CUEDC1: variants seen among roughly 807,000 people sequenced by gnomAD.
CUEDC1 encodes the protein CUE domain containing 1.
Under a neutral mutation model 43.7 loss-of-function variants are expected in CUEDC1, and 30 were observed. That is an observed-to-expected ratio of 0.69 (90% CI 0.51 to 0.93). The LOEUF (loss-of-function observed/expected upper bound fraction) is 0.93, where lower values mean the gene tolerates loss of function less well. Ranked by LOEUF, CUEDC1 falls within the 40% of genes least tolerant of loss-of-function variation. The pLI is 0.00. For missense variants in CUEDC1, 486 were observed against 549.0 expected (o/e 0.89, Z 1.15); for synonymous variants, 223 against 223.6 (o/e 1.00, Z 0.02).
intron 1 of CUEDC1, among the ~76,000 whole-genome samples, chr17:57,906,719 C>T (rs1567713195): frequency 6.6e-6 from 1 of 152,058 alleles, no homozygotes; most frequent in East Asian, 1.9e-4. Flanking sequence ...GCCTGTAATC[C>T]CAGAACCTTG....
At chr17:57,880,746 A>C (rs1027125728) in intron 2 of CUEDC1, among the ~76,000 whole-genome samples, 1 of 152,188 alleles carries the variant, frequency 6.6e-6, no homozygotes, top group Non-Finnish European at 1.5e-5. Flanking sequence ...AGATGGAATT[A>C]CAGGCGTGCG....
At chr17:57,905,891 T>C (rs2074526177) in intron 1 of CUEDC1, among the ~76,000 whole-genome samples, 1 of 152,244 alleles carries the variant, frequency 6.6e-6, no homozygotes, top group South Asian at 2.1e-4. Flanking sequence ...TTCATGTACC[T>C]CTGCAACCTT....
At chr17:57,907,689 T>C (rs996009213) in intron 1 of CUEDC1, among the ~76,000 whole-genome samples, 1 of 151,580 alleles carries the variant, frequency 6.6e-6, no homozygotes, top group African/African-American at 2.4e-5. Flanking sequence ...CTACTAAAAA[T>C]ACAAAAATTA....
intron 1 of CUEDC1, among the ~76,000 whole-genome samples, chr17:57,888,058 G>A (rs1351132843): frequency 2.6e-5 from 4 of 151,454 alleles, no homozygotes; most frequent in Admixed American, 1.3e-4. Context: ...GTGCCACCAC[G>A]CTTGGTGCTA....
At chr17:57,947,494 G>A (rs923970629) in intron 1 of CUEDC1, among the ~76,000 whole-genome samples, 8 of 152,142 alleles carry the variant, frequency 5.3e-5, no homozygotes, top group Admixed American at 2.6e-4. Context: ...TTTGAAAAAC[G>A]AAGCGTTTTA....
chr17:57,951,900 T>G (rs1269560386), intron 1 of CUEDC1, among the ~76,000 whole-genome samples: 1 of 152,236 alleles, frequency 6.6e-6, no homozygotes, highest in Non-Finnish European at 1.5e-5. Context: ...GCTTTAAAGA[T>G]AAGACATTTA....
chr17:57,927,388 G>A (rs1468946919), intron 1 of CUEDC1, among the ~76,000 whole-genome samples: 20 of 145,810 alleles, frequency 1.4e-4, no homozygotes. Flanking sequence ...AGAAAGCCTA[G>A]GGAGAAAGAA....
intron 1 of CUEDC1, among the ~76,000 whole-genome samples, chr17:57,933,556 T>C (rs2074830782): frequency 6.6e-6 from 1 of 152,166 alleles, no homozygotes; most frequent in Non-Finnish European, 1.5e-5. Flanking sequence ...ACAGAAGAGA[T>C]GGGAATCCAG....
At chr17:57,890,566 C>T (rs1450343614) in intron 1 of CUEDC1, among the ~76,000 whole-genome samples, 1 of 152,216 alleles carries the variant, frequency 6.6e-6, no homozygotes, top group Non-Finnish European at 1.5e-5. Flanking sequence ...GCAGAAACCC[C>T]ACACCTGTCC....
At position 57,954,233 on chromosome 17, in the gene CUEDC1, G is replaced by C. The variant is rs1022859668; in HGVS notation, c.-316+992C>G. Among the ~76,000 whole-genome samples, 1 of 152,192 alleles carries C rather than the reference G, an allele frequency of 6.6e-6. No individual in the cohort carries two copies. The highest frequency in any genetic ancestry group is 2.4e-5 in the African/African-American group (1 of 41,436). Reference sequence around the variant, plus strand: ...TTCCTCTCGCTACAAGACGCTGACTGCGGATCAGGTGGGGAGCACGGTGGA... The same window carrying C: ...TTCCTCTCGCTACAAGACGCTGACTCCGGATCAGGTGGGGAGCACGGTGGA... On this transcript the variant is annotated intron_variant, in intron 1 of 10. Coordinates refer to ENST00000577830, the MANE Select transcript of CUEDC1 (RefSeq NM_001271875.2). The surrounding 1 kb of genome is among the most constrained non-coding windows in gnomAD (Gnocchi z 4.3).
chr17:57,875,848 TC>T (rs1046821441), intron 3 of CUEDC1, among the ~76,000 whole-genome samples: 2 of 152,050 alleles, frequency 1.3e-5, no homozygotes, highest in African/African-American at 4.8e-5. Flanking sequence ...ACTCAGGACT[TC>T]CAGGTAAAAT....
intron 3 of CUEDC1, among the ~76,000 whole-genome samples, chr17:57,878,504 C>G (rs1485782935): frequency 6.6e-6 from 1 of 152,096 alleles, no homozygotes; most frequent in Non-Finnish European, 1.5e-5. Context: ...ACCCCCTCAC[C>G]ACTCCAGGCC....
chr17:57,880,672 C>A (rs2074191695), intron 2 of CUEDC1, among the ~76,000 whole-genome samples: 1 of 152,214 alleles, frequency 6.6e-6, no homozygotes, highest in Non-Finnish European at 1.5e-5. Flanking sequence ...TACCTCTGAC[C>A]CTCCAGTTCT....
chr17:57,887,655 C>CTTTTTTTTTT (rs3085786), intron 1 of CUEDC1, among the ~76,000 whole-genome samples: 25 of 58,028 alleles, frequency 4.3e-4, no homozygotes, highest in Non-Finnish European at 5.3e-4. Flanking sequence ...CCACGCCTGG[C>CTTTTTTTTTT]TTTTTTTTTT....
intron 1 of CUEDC1, among the ~76,000 whole-genome samples, chr17:57,913,189 G>C: frequency 6.6e-6 from 1 of 152,096 alleles, no homozygotes; most frequent in Non-Finnish European, 1.5e-5. Context: ...TTAGCTGGGC[G>C]TGGTGGCAGG....
chr17:57,885,235 G>A lies in CUEDC1; in HGVS notation c.330C>T (p.Pro110=). The A allele has an allele frequency of 9.5e-6, 15 of 1,575,354 alleles. No individual in the cohort carries two copies. The highest frequency in any genetic ancestry group is 1.3e-5 in the Non-Finnish European group (15 of 1,157,764). Residue 110 remains proline, a synonymous_variant, in exon 2 of 11, where the codon CCC becomes CCT. Transcript: ENST00000577830. Reference sequence around the variant, plus strand: ...ACCCGGGCTGCGCCCCTACCTCCGGGGGGATGCTGTCCTCCGAGTCGGAGC... The same window carrying A: ...ACCCGGGCTGCGCCCCTACCTCCGGAGGGATGCTGTCCTCCGAGTCGGAGC... The part of the protein sequence containing the change: ...EDSSDSEDSI[P]PEILERTLEP...
Position 57,873,665 on chromosome 17 carries a change from A to C in CUEDC1, c.517T>G (p.Trp173Gly), listed in dbSNP as rs1385505803. The C allele has an allele frequency of 6.2e-7, 1 of 1,605,556 alleles. No individual in the cohort carries two copies. The highest frequency in any genetic ancestry group is 1.3e-5 in the African/African-American group (1 of 74,570). Reference sequence around the variant, plus strand: ...AGGTTGCCCAGCAGTGGTGGGTTCCAGTTCCGATAGCGTCTCTGGCTTGTA... The same window carrying C: ...AGGTTGCCCAGCAGTGGTGGGTTCCCGTTCCGATAGCGTCTCTGGCTTGTA... The part of the protein sequence containing the change: ...APTSQRRYRN[W>G]NPPLLGNLPD... The change falls in exon 4 of 11, where the codon TGG becomes GGG. Residue 173 changes from tryptophan (W) to glycine (G), a missense_variant. Physicochemically the swap from Trp to Gly is radical, Grantham distance 184. Coordinates refer to ENST00000577830, the MANE Select transcript of CUEDC1 (RefSeq NM_001271875.2).
chr17:57,886,815 TTG>T (rs2074295541), intron 1 of CUEDC1, among the ~76,000 whole-genome samples: 3 of 140,716 alleles, frequency 2.1e-5, no homozygotes. Context: ...TAAATTCTGG[TTG>T]TTTTTTTTTT....
intron 1 of CUEDC1, among the ~76,000 whole-genome samples, chr17:57,897,938 A>G (rs2074430856): frequency 6.6e-6 from 1 of 152,158 alleles, no homozygotes; most frequent in Non-Finnish European, 1.5e-5. Flanking sequence ...GCTTGAAACC[A>G]GGATGCAGAG....
Sources: allele counts gnomAD v4.1 joint callset (sites outside exome capture counted in the v4.1 genomes callset), GRCh38; gene constraint gnomAD v4.1.1; non-coding constraint Gnocchi (gnomAD v3.1); transcripts MANE v1.5; gene names NCBI Gene and HGNC (gene_info 2026-07-23, HGNC 2026-07-21).